The following GALNT14 variants were observed in gnomAD, a reference collection of about 807,000 sequenced individuals.
GALNT14 encodes polypeptide N-acetylgalactosaminyltransferase 14.
In GALNT14, 60 loss-of-function variants were observed where a neutral mutation model predicts 77.5. That is an observed-to-expected ratio of 0.77 (90% CI 0.63 to 0.96). GALNT14 has a LOEUF of 0.96. Ranked by LOEUF, GALNT14 falls within the 40% of genes least tolerant of loss-of-function variation. GALNT14 has a pLI of 0.00. For synonymous variants in GALNT14, 280 were observed against 281.7 expected (o/e 0.99, Z 0.06); for missense variants, 710 against 731.0 (o/e 0.97, Z 0.33).
At chr2:31,013,832 T>C (rs1671184133) in intron 1 of GALNT14, among the ~76,000 whole-genome samples, 2 of 152,188 alleles carry the variant, frequency 1.3e-5, no homozygotes, top group African/African-American at 4.8e-5. Flanking sequence ...AGTAGAGCAC[T>C]GAATCTATGT....
intron 1 of GALNT14, among the ~76,000 whole-genome samples, chr2:31,052,633 T>C (rs1673949690): frequency 6.6e-6 from 1 of 151,816 alleles, no homozygotes; most frequent in South Asian, 2.1e-4. Context: ...GGACATATCC[T>C]CAGGGAGGTG....
At chr2:31,046,902 G>A (rs185143465) in intron 1 of GALNT14, among the ~76,000 whole-genome samples, 1 of 152,142 alleles carries the variant, frequency 6.6e-6, no homozygotes, top group African/African-American at 2.4e-5. Context: ...AGCTCATTCA[G>A]TCTTTGAAAT....
chr2:30,950,366 T>C (rs551905319), intron 6 of GALNT14, among the ~76,000 whole-genome samples: 9 of 152,264 alleles, frequency 5.9e-5, no homozygotes, highest in African/African-American at 2.2e-4. Context: ...GTTTTCAATG[T>C]GGAAAACACC....
intron 1 of GALNT14, among the ~76,000 whole-genome samples, chr2:30,994,105 T>A (rs1279243489): frequency 6.6e-6 from 1 of 150,464 alleles, no homozygotes; most frequent in Non-Finnish European, 1.5e-5. Context: ...TAAGACTCTG[T>A]GTTTCCAGGA....
intron 1 of GALNT14, among the ~76,000 whole-genome samples, chr2:31,028,400 G>A (rs2148474683): frequency 6.6e-6 from 1 of 152,314 alleles, no homozygotes; most frequent in Admixed American, 6.5e-5. Context: ...TCCAGGGCCA[G>A]CTCTGTGCTG....
Position 30,957,653 on chromosome 2 carries a change from C to T in GALNT14, c.466+744G>A, listed in dbSNP as rs541449358. 9.2e-4 allele frequency among the ~76,000 whole-genome samples: 140 copies of T among 152,274 alleles called. 1 individual carries two copies. Among genetic ancestry groups the T allele is most frequent in the African/African-American group, 3.2e-3 (133 of 41,564 alleles). ...GGTTTCCAGCCTTCGTACAGCAGAC[C>T]GCAGTGTGGGGGTGGCTCCCAATGC... On this transcript the variant is annotated intron_variant, in intron 4 of 14. Coordinates refer to ENST00000349752, the MANE Select transcript of GALNT14 (RefSeq NM_024572.4).
chr2:30,993,311 T>C (rs1669831739), intron 1 of GALNT14, among the ~76,000 whole-genome samples: 1 of 152,188 alleles, frequency 6.6e-6, no homozygotes, highest in African/African-American at 2.4e-5. Flanking sequence ...ATACCCTTAT[T>C]ATACAGATGA....
chr2:31,055,585 T>C (rs1674157282), intron 1 of GALNT14, among the ~76,000 whole-genome samples: 1 of 152,100 alleles, frequency 6.6e-6, no homozygotes, highest in Non-Finnish European at 1.5e-5. Flanking sequence ...CTGATCCAAC[T>C]AGGGCACTGG....
intron 1 of GALNT14, among the ~76,000 whole-genome samples, chr2:31,003,565 C>G (rs1027832037): frequency 3.3e-5 from 5 of 152,176 alleles, no homozygotes; most frequent in African/African-American, 9.7e-5. Flanking sequence ...CTCATTTAGT[C>G]TCTGACAACA....
chr2:30,924,366 G>A (rs950382858), intron 12 of GALNT14, 103 bp from the exon 13 acceptor site: 1 of 1,278,730 alleles, frequency 7.8e-7, no homozygotes, highest in Non-Finnish European at 1.1e-6. Flanking sequence ...GCAGGGCTGG[G>A]CTGTTAGAAA....
chr2:31,009,452 C>T (rs181581562), intron 1 of GALNT14, among the ~76,000 whole-genome samples: 102 of 152,244 alleles, frequency 6.7e-4, no homozygotes, highest in Non-Finnish European at 9.1e-4. Context: ...TGGATTTAGC[C>T]CTGGTCCCTC....
intron 1 of GALNT14, among the ~76,000 whole-genome samples, chr2:31,100,937 A>G (rs1006838049): frequency 6.6e-6 from 1 of 152,104 alleles, no homozygotes; most frequent in African/African-American, 2.4e-5. Context: ...AGTGTTAAAT[A>G]TCTCCGATAA....
Position 31,126,505 on chromosome 2 carries a change from G to A in GALNT14, c.129+11453C>T, listed in dbSNP as rs191782116. Among the ~76,000 whole-genome samples the A allele has an allele frequency of 1.4e-3, 210 of 152,260 alleles. 1 individual carries two copies. Among genetic ancestry groups the A allele is most frequent in the African/African-American group, 4.8e-3 (199 of 41,540 alleles). On this transcript the variant is annotated intron_variant, in intron 1 of 14. Coordinates refer to ENST00000349752, the MANE Select transcript of GALNT14 (RefSeq NM_024572.4). Reference sequence around the variant, plus strand: ...AAAAACCAACCTAAGAATGCCGGCCGTGCAGTGTTGTTAAAAAGAATAGAT... The same window carrying A: ...AAAAACCAACCTAAGAATGCCGGCCATGCAGTGTTGTTAAAAAGAATAGAT...
At chr2:30,896,031 T>C in the GALNT14 span, among the ~76,000 whole-genome samples, 21 of 152,286 alleles carry the variant, frequency 1.4e-4, no homozygotes, top group African/African-American at 5.1e-4. Context: ...ATTTAATTTC[T>C]CTGAGGCTCA....
chr2:30,897,748 C>G, the GALNT14 span, among the ~76,000 whole-genome samples: 1 of 152,126 alleles, frequency 6.6e-6, no homozygotes, highest in Non-Finnish European at 1.5e-5. Context: ...GGAACACAGA[C>G]CGCTGGGACT....
chr2:31,127,651 T>C (rs1427233543), intron 1 of GALNT14, among the ~76,000 whole-genome samples: 1 of 152,202 alleles, frequency 6.6e-6, no homozygotes, highest in African/African-American at 2.4e-5. Flanking sequence ...GGTTTATATG[T>C]AGGAGTTGAA....
intron 9 of GALNT14, among the ~76,000 whole-genome samples, chr2:30,933,960 G>A (rs1366483493): frequency 1.3e-5 from 2 of 152,204 alleles, no homozygotes; most frequent in East Asian, 3.8e-4. Context: ...TCCCTCTAAA[G>A]CCAATCTCTT....
chr2:31,130,210 G>A (rs147286911), intron 1 of GALNT14, among the ~76,000 whole-genome samples: 143 of 152,360 alleles, frequency 9.4e-4, no homozygotes, highest in African/African-American at 3.3e-3. Context: ...GGATGCAGGG[G>A]ATCAGATGGC....
At chr2:31,057,316 T>TATAA (rs1553369022) in intron 1 of GALNT14, among the ~76,000 whole-genome samples, 6 of 137,792 alleles carry the variant, frequency 4.4e-5, no homozygotes, top group Non-Finnish European at 7.7e-5. Flanking sequence ...TATATATATA[T>TATAA]AAAATTATAT....
Sources: allele counts gnomAD v4.1 joint callset (sites outside exome capture counted in the v4.1 genomes callset), GRCh38; gene constraint gnomAD v4.1.1; transcripts MANE v1.5; gene names NCBI Gene and HGNC (gene_info 2026-07-23, HGNC 2026-07-21).